TUSC3: variants seen among roughly 807,000 people sequenced by gnomAD.
TUSC3 encodes the protein tumor suppressor candidate 3.
In TUSC3, 45 loss-of-function variants were observed where a neutral mutation model predicts 44.8. The ratio of observed to expected loss-of-function variants is 1.00; its 90% confidence interval spans 0.79 to 1.29. TUSC3 has a LOEUF of 1.29. TUSC3 is among the 50% of genes most tolerant of loss of function. The pLI is 0.00. For synonymous variants in TUSC3, 212 were observed against 152.9 expected, an observed-to-expected ratio of 1.39 and a Z score of -2.85; for missense variants, 519 against 437.9, an observed-to-expected ratio of 1.19 and a Z score of -1.65.
At chr8:15,666,390 G>A (rs1388187859) in intron 5 of TUSC3, among the ~76,000 whole-genome samples, 1 of 151,504 alleles carries the variant, frequency 6.6e-6, no homozygotes, top group Admixed American at 6.6e-5. Flanking sequence ...ACTGTGTATT[G>A]TAGGATGATT....
At chr8:15,786,941 CAAAAAAAAA>C in the TUSC3 span, among the ~76,000 whole-genome samples, 5 of 63,378 alleles carry the variant, frequency 7.9e-5, no homozygotes, top group African/African-American at 1.9e-4. Flanking sequence ...GAGACTCCAT[CAAAAAAAAA>C]AAAAAAAAAA....
chr8:15,665,672 A>G (rs1442624507), intron 5 of TUSC3, among the ~76,000 whole-genome samples: 1 of 151,312 alleles, frequency 6.6e-6, no homozygotes, highest in African/African-American at 2.4e-5. Flanking sequence ...ACTTTGCAAT[A>G]TATTTAAACA....
chr8:15,721,472 C>T (rs567621811), intron 6 of TUSC3, among the ~76,000 whole-genome samples: 2 of 152,098 alleles, frequency 1.3e-5, no homozygotes, highest in South Asian at 4.1e-4. Context: ...AAAATGGACA[C>T]ACACACAGAG....
chr8:15,740,264 G>A (rs1811132461), intron 7 of TUSC3, among the ~76,000 whole-genome samples: 1 of 152,032 alleles, frequency 6.6e-6, no homozygotes, highest in Non-Finnish European at 1.5e-5. Context: ...TGCTTTGAAG[G>A]TATTAGGAGA....
rs371521204 is a variant in TUSC3, at chr8:15,604,138, G to A, written c.139-18942G>A. Among the ~76,000 whole-genome samples the A allele has an allele frequency of 2.3e-4, 35 of 151,790 alleles. 1 individual carries two copies. The South Asian group carries it at 7.2e-3, about 31-fold the overall frequency. ...ACAAAAGTTTGAATTAAAAGTTTCA[G>A]TATGATATTGAGATAGAGTATTATG... On this transcript the variant is annotated intron_variant, in intron 1 of 10. Transcript: ENST00000503731.
In TUSC3 at chr8:15,697,415, TAGGGC is replaced by T. The variant is rs2129193492; in HGVS notation, c.798+23580_798+23584del. Among the ~76,000 whole-genome samples the T allele has an allele frequency of 2.0e-5, 3 of 152,324 alleles. No homozygotes were observed. The South Asian group carries it at 6.2e-4, about 32-fold the overall frequency. ...ATTCAGACTTTTTGATGTAGGCATTTAGGGCTATGAACTTTCCTCCTTGCACAGCC... is the reference window on the plus strand; with the variant it reads ...ATTCAGACTTTTTGATGTAGGCATTTTATGAACTTTCCTCCTTGCACAGCC... On this transcript the variant is annotated intron_variant, in intron 6 of 10. Transcript: ENST00000503731.
chr8:15,674,837 A>T (rs1808112073), intron 6 of TUSC3, among the ~76,000 whole-genome samples: 2 of 152,050 alleles, frequency 1.3e-5, no homozygotes, highest in South Asian at 4.1e-4. Flanking sequence ...AGTCTTCAAT[A>T]TTCAAAATTC....
chr8:15,710,564 G>A (rs1359422084), intron 6 of TUSC3, among the ~76,000 whole-genome samples: 1 of 151,610 alleles, frequency 6.6e-6, no homozygotes, highest in Non-Finnish European at 1.5e-5. Flanking sequence ...GGAAACACTT[G>A]TTTACCTCTC....
chr8:15,795,358 C>T, the TUSC3 span, among the ~76,000 whole-genome samples: 2 of 152,168 alleles, frequency 1.3e-5, no homozygotes, highest in African/African-American at 4.8e-5. Flanking sequence ...TTATTGTCTT[C>T]CAGGGCAAAG....
chr8:15,479,231 GTTGT>G (rs1003404667), intron 1 of TUSC3, among the ~76,000 whole-genome samples: 1 of 152,130 alleles, frequency 6.6e-6, no homozygotes, highest in African/African-American at 2.4e-5. Context: ...CATTCTGTAG[GTTGT>G]CTGTTTACTC....
chr8:15,788,546 C>CA, the TUSC3 span, among the ~76,000 whole-genome samples: 5,899 of 75,132 alleles, frequency 0.079, 196 homozygotes, highest in African/African-American at 0.1. Context: ...GACTCTATCT[C>CA]AAAAAAAAAA....
chr8:15,745,955 G>A (rs1028278223), intron 8 of TUSC3, among the ~76,000 whole-genome samples: 1 of 152,000 alleles, frequency 6.6e-6, no homozygotes, highest in African/African-American at 2.4e-5. Flanking sequence ...AAGGGTAGGG[G>A]CCAAGTTTCA....
the TUSC3 span, among the ~76,000 whole-genome samples, chr8:15,834,435 G>A: frequency 2.6e-3 from 397 of 152,172 alleles, no homozygotes; most frequent in Non-Finnish European, 4.7e-3. Flanking sequence ...TTCTGCCTCC[G>A]TGGGAAGGTG....
intron 2 of TUSC3, among the ~76,000 whole-genome samples, chr8:15,637,118 A>G (rs1806113797): frequency 6.6e-6 from 1 of 152,172 alleles, no homozygotes; most frequent in South Asian, 2.1e-4. Context: ...TTATTTTTAG[A>G]AATGTTATTA....
chr8:15,843,619 T>TACACAC, the TUSC3 span, among the ~76,000 whole-genome samples: 1 of 142,974 alleles, frequency 7.0e-6, no homozygotes, highest in East Asian at 2.0e-4. Flanking sequence ...TATATATATA[T>TACACAC]ATACACGCAC....
At chr8:15,708,086 C>G (rs1420528031) in intron 6 of TUSC3, among the ~76,000 whole-genome samples, 1 of 151,908 alleles carries the variant, frequency 6.6e-6, no homozygotes, top group Non-Finnish European at 1.5e-5. Flanking sequence ...AAATCCTGAA[C>G]TAATTAAATC....
intron 2 of TUSC3, among the ~76,000 whole-genome samples, chr8:15,488,334 A>C (rs1356634762): frequency 6.6e-6 from 1 of 151,712 alleles, no homozygotes; most frequent in Non-Finnish European, 1.5e-5. Flanking sequence ...CTCTACCAAA[A>C]AAAAAAAAAT....
chr8:15,529,825 C>G (rs1465026669), intron 2 of TUSC3, among the ~76,000 whole-genome samples: 4 of 113,022 alleles, frequency 3.5e-5, no homozygotes, highest in South Asian at 2.8e-4. Flanking sequence ...GAGTCTCGCT[C>G]TGTTGCCCAG....
At chr8:15,471,510 T>C (rs1800493515) in intron 1 of TUSC3, among the ~76,000 whole-genome samples, 1 of 151,236 alleles carries the variant, frequency 6.6e-6, no homozygotes. Context: ...AAAATGAGAT[T>C]TCTTAAATTA....
Sources: gnomAD v4.1 joint callset for allele counts (sites outside exome capture counted in the v4.1 genomes callset) on GRCh38, gnomAD v4.1.1 for gene constraint, MANE v1.5 for transcripts, NCBI Gene and HGNC (gene_info 2026-07-23, HGNC 2026-07-21) for gene names.